KCTD8: variants seen among roughly 807,000 people sequenced by gnomAD.
The protein encoded by KCTD8 is potassium channel tetramerization domain containing 8.
In KCTD8, 27 loss-of-function variants were observed where a neutral mutation model predicts 31.5. The observed-to-expected ratio is 0.86, with a 90% confidence interval of 0.63 to 1.18. The LOEUF (loss-of-function observed/expected upper bound fraction) is 1.18, where lower values mean the gene tolerates loss of function less well. KCTD8 is among the 50% of genes most tolerant of loss of function. The probability of loss-of-function intolerance (pLI) is 0.00; values close to 1 mark genes in which losing one functional copy is unlikely to be tolerated. For missense variants in KCTD8, 658 were observed against 647.7 expected, an observed-to-expected ratio of 1.02 and a Z score of -0.17; for synonymous variants, 290 against 280.0, an observed-to-expected ratio of 1.04 and a Z score of -0.36.
intron 1 of KCTD8, among the ~76,000 whole-genome samples, chr4:44,310,626 A>T (rs1717921249): frequency 6.6e-6 from 1 of 152,134 alleles, no homozygotes; most frequent in Admixed American, 6.5e-5. Context: ...TCTTGGTAAC[A>T]TTAATTCACT....
At chr4:44,219,033 G>A (rs975304578) in intron 1 of KCTD8, among the ~76,000 whole-genome samples, 4 of 152,062 alleles carry the variant, frequency 2.6e-5, no homozygotes, top group Non-Finnish European at 2.9e-5. Context: ...ACCTCTCCAT[G>A]AGATCATAAC....
intron 1 of KCTD8, among the ~76,000 whole-genome samples, chr4:44,300,875 C>T (rs576224121): frequency 8.0e-6 from 1 of 124,572 alleles, no homozygotes; most frequent in Non-Finnish European, 1.6e-5. Context: ...CCTCCCCCCA[C>T]CCCACAACAG....
chr4:44,389,402 C>T (rs1202087153), intron 1 of KCTD8, among the ~76,000 whole-genome samples: 4 of 151,590 alleles, frequency 2.6e-5, no homozygotes, highest in Admixed American at 1.3e-4. Flanking sequence ...CATAAATACA[C>T]ACACATGAAA....
chr4:44,330,766 G>T (rs1718572917), intron 1 of KCTD8, among the ~76,000 whole-genome samples: 1 of 151,946 alleles, frequency 6.6e-6, no homozygotes, highest in Non-Finnish European at 1.5e-5. Context: ...GATAGTAAAA[G>T]TAGGTACTCA....
chr4:44,184,466 T>C (rs1179334971), intron 1 of KCTD8, among the ~76,000 whole-genome samples: 1 of 152,274 alleles, frequency 6.6e-6, no homozygotes, highest in South Asian at 2.1e-4. Context: ...GAAGAGTGAC[T>C]TGAAAAGAGA....
chr4:44,303,130 A>C (rs1272068984), intron 1 of KCTD8, among the ~76,000 whole-genome samples: 1 of 152,100 alleles, frequency 6.6e-6, no homozygotes, highest in African/African-American at 2.4e-5. Flanking sequence ...CCAGTATTTT[A>C]TTGAGGATTT....
intron 1 of KCTD8, among the ~76,000 whole-genome samples, chr4:44,360,870 C>T (rs1719476076): frequency 6.6e-6 from 1 of 151,856 alleles, no homozygotes; most frequent in African/African-American, 2.4e-5. Context: ...GTTTATATTT[C>T]TTTCCTCATG....
At chr4:44,376,468 G>A (rs1459154994) in intron 1 of KCTD8, among the ~76,000 whole-genome samples, 1 of 152,178 alleles carries the variant, frequency 6.6e-6, no homozygotes, top group Non-Finnish European at 1.5e-5. Context: ...CTTTGAACCT[G>A]AGGGAACTTC....
chr4:44,358,248 A>G (rs1719396990), intron 1 of KCTD8, among the ~76,000 whole-genome samples: 1 of 152,104 alleles, frequency 6.6e-6, no homozygotes, highest in Non-Finnish European at 1.5e-5. Context: ...ATGGCTGCAT[A>G]GTGTTCCATG....
intron 1 of KCTD8, among the ~76,000 whole-genome samples, chr4:44,294,170 G>C (rs1424621909): frequency 6.6e-6 from 1 of 152,060 alleles, no homozygotes; most frequent in Non-Finnish European, 1.5e-5. Flanking sequence ...AATATACAAA[G>C]GGGAAGATAA....
intron 1 of KCTD8, among the ~76,000 whole-genome samples, chr4:44,316,366 T>C (rs1718108669): frequency 6.6e-6 from 1 of 152,160 alleles, no homozygotes; most frequent in South Asian, 2.1e-4. Flanking sequence ...TTTTGTTTTT[T>C]TTGTTCTCTG....
chr4:44,432,401 T>A (rs188827322), intron 1 of KCTD8, among the ~76,000 whole-genome samples: 145 of 151,672 alleles, frequency 9.6e-4, no homozygotes, highest in African/African-American at 3.3e-3. Context: ...CCATAATCTT[T>A]TTCAGAATCC....
intron 1 of KCTD8, among the ~76,000 whole-genome samples, chr4:44,260,738 A>T (rs1716136845): frequency 2.0e-5 from 3 of 152,142 alleles, no homozygotes; most frequent in Middle Eastern, 3.4e-3. Flanking sequence ...AGAGTAATGG[A>T]AAACAATTCA....
intron 1 of KCTD8, among the ~76,000 whole-genome samples, chr4:44,376,011 T>C (rs1289145553): frequency 1.3e-5 from 2 of 152,274 alleles, no homozygotes; most frequent in Non-Finnish European, 2.9e-5. Flanking sequence ...GGAGTGATTA[T>C]GTGGTTGGAG....
chr4:44,235,392 GAGATAT>G (rs932869154), intron 1 of KCTD8, among the ~76,000 whole-genome samples: 71 of 148,742 alleles, frequency 4.8e-4, no homozygotes, highest in African/African-American at 1.6e-3. Flanking sequence ...TAGATAGGTA[GAGATAT>G]AGATATATAC....
At chr4:44,399,862 C>T (rs1720602096) in intron 1 of KCTD8, among the ~76,000 whole-genome samples, 1 of 152,164 alleles carries the variant, frequency 6.6e-6, no homozygotes, top group South Asian at 2.1e-4. Context: ...TACCAAACAT[C>T]TACTGTAAAG....
intron 1 of KCTD8, among the ~76,000 whole-genome samples, chr4:44,303,460 G>A (rs1453915218): frequency 3.5e-5 from 5 of 141,958 alleles, no homozygotes; most frequent in African/African-American, 1.2e-4. Context: ...AAGTGTATGT[G>A]TCGAGGAATT....
intron 1 of KCTD8, among the ~76,000 whole-genome samples, chr4:44,354,665 C>T (rs1010100738): frequency 3.9e-5 from 6 of 151,974 alleles, no homozygotes; most frequent in Admixed American, 1.3e-4. Flanking sequence ...CATGAGGATT[C>T]GTAAAATCCT....
chr4:44,388,118 C>G (rs1419939140), intron 1 of KCTD8, among the ~76,000 whole-genome samples: 5 of 151,722 alleles, frequency 3.3e-5, no homozygotes, highest in Non-Finnish European at 5.9e-5. Flanking sequence ...TTCAACATCA[C>G]TGATCATTAG....
Sources: gnomAD v4.1 joint callset for allele counts (sites outside exome capture counted in the v4.1 genomes callset) on GRCh38, gnomAD v4.1.1 for gene constraint, MANE v1.5 for transcripts, NCBI Gene and HGNC (gene_info 2026-07-23, HGNC 2026-07-21) for gene names.